Variants in ANKH observed in about 807,000 individuals in gnomAD.
ANKH encodes mineralization regulator ANKH.
ANKH carries 15 observed loss-of-function variants against 49.0 expected under a neutral mutation model. The ratio of observed to expected loss-of-function variants is 0.31; its 90% CI spans 0.20 to 0.47. The LOEUF is 0.47. Among genes scored for constraint, ANKH ranks in the 20% least tolerant of loss-of-function variants. The pLI, the probability that ANKH is intolerant of heterozygous loss-of-function variation, is 1.00. For synonymous variants in ANKH, 273 were observed against 260.0 expected (o/e 1.05, Z -0.48); for missense variants, 429 against 652.0 (o/e 0.66, Z 3.72).
At chr5:14,846,319 C>T (rs1248126540) in intron 1 of ANKH, among the ~76,000 whole-genome samples, 1 of 152,150 alleles carries the variant, frequency 6.6e-6, no homozygotes, top group Non-Finnish European at 1.5e-5. Context: ...CCACTGCTTT[C>T]CTTTAATTTT....
chr5:14,734,085 T>C (rs766925232), intron 8 of ANKH, among the ~76,000 whole-genome samples: 18 of 152,250 alleles, frequency 1.2e-4, no homozygotes, highest in Non-Finnish European at 1.9e-4. Flanking sequence ...TTGCTAGATA[T>C]GCGTTCTAAA....
At chr5:14,734,511 C>T (rs1738106687) in intron 8 of ANKH, among the ~76,000 whole-genome samples, 2 of 152,168 alleles carry the variant, frequency 1.3e-5, no homozygotes, top group Admixed American at 6.5e-5. Flanking sequence ...GCACTGAAAC[C>T]TTATAACACT....
At chr5:14,851,427 G>GC (rs1450490801) in intron 1 of ANKH, among the ~76,000 whole-genome samples, 8 of 152,334 alleles carry the variant, frequency 5.3e-5, no homozygotes, top group African/African-American at 1.9e-4. Flanking sequence ...CCTGGGGACA[G>GC]CCCCACTCTT....
At chr5:14,864,798 T>C (rs1215085976) in intron 1 of ANKH, among the ~76,000 whole-genome samples, 1 of 152,212 alleles carries the variant, frequency 6.6e-6, no homozygotes, top group Non-Finnish European at 1.5e-5. Flanking sequence ...TTTAAAATCA[T>C]ACTTAAATAC....
intron 1 of ANKH, among the ~76,000 whole-genome samples, chr5:14,845,700 G>A (rs1741939394): frequency 6.6e-6 from 1 of 152,130 alleles, no homozygotes. Context: ...CTTGGGCTCT[G>A]TGGGGTGCCT....
Position 14,713,695 on chromosome 5 carries a change from G to C in ANKH, c.1142-28C>G. ...GTTGGGAGGAGCAAAGGACTCGTCAGCCGTGCCCGCCATCCACTCCCCATC... is the reference window on the plus strand; with the variant it reads ...GTTGGGAGGAGCAAAGGACTCGTCACCCGTGCCCGCCATCCACTCCCCATC... On this transcript the variant is annotated intron_variant, in intron 9 of 11. Coordinates refer to ENST00000284268, the MANE Select transcript of ANKH (RefSeq NM_054027.6). This position sits in a 1 kb window ranked among gnomAD's most constrained non-coding sequence, Gnocchi z 4.4. The C allele has an allele frequency of 6.2e-7, 1 of 1,612,372 alleles. No homozygotes were observed. The highest frequency in any genetic ancestry group is 8.5e-7 in the Non-Finnish European group (1 of 1,179,854).
chr5:14,870,357 T>A (rs1258275241), intron 1 of ANKH: 1 of 152,194 alleles, frequency 6.6e-6, no homozygotes, highest in African/African-American at 2.4e-5. Context: ...TCCTGAAAGC[T>A]GTTTTACTTT....
chr5:14,730,224 C>T (rs1374849220), intron 8 of ANKH, among the ~76,000 whole-genome samples: 1 of 152,192 alleles, frequency 6.6e-6, no homozygotes, highest in Non-Finnish European at 1.5e-5. Context: ...AAGTTTCTCC[C>T]CAGAAGCTGG....
chr5:14,803,747 G>A (rs1740628545), intron 1 of ANKH, among the ~76,000 whole-genome samples: 1 of 152,106 alleles, frequency 6.6e-6, no homozygotes, highest in African/African-American at 2.4e-5. Context: ...GCTCTTTCCT[G>A]AGCTCCTCAC....
At chr5:14,856,370 C>T (rs1473847313) in intron 1 of ANKH, among the ~76,000 whole-genome samples, 1 of 152,156 alleles carries the variant, frequency 6.6e-6, no homozygotes. Flanking sequence ...CGTTTGCATC[C>T]AGTCTGTTTG....
At chr5:14,815,513 AATATGGATG>A (rs1422624844) in intron 1 of ANKH, among the ~76,000 whole-genome samples, 2 of 152,226 alleles carry the variant, frequency 1.3e-5, no homozygotes, top group Non-Finnish European at 2.9e-5. Context: ...TCATTCTAAA[AATATGGATG>A]ATGTGGAGGT....
At chr5:14,728,271 C>T (rs1411486126) in intron 8 of ANKH, among the ~76,000 whole-genome samples, 1 of 152,242 alleles carries the variant, frequency 6.6e-6, no homozygotes, top group Non-Finnish European at 1.5e-5. Flanking sequence ...TGACTTGCCC[C>T]AGGTCACCGG....
intron 2 of ANKH, among the ~76,000 whole-genome samples, chr5:14,765,734 A>G (rs1030175822): frequency 1.3e-5 from 2 of 152,216 alleles, no homozygotes; most frequent in Non-Finnish European, 2.9e-5. Context: ...TGACACTACA[A>G]AAGCTTTTAG....
At position 14,725,624 on chromosome 5, in the gene ANKH, C is replaced by T. The variant is rs554837249; in HGVS notation, c.1012-8789G>A. Among the ~76,000 whole-genome samples the T allele has an allele frequency of 4.3e-4, 66 of 152,316 alleles. No homozygotes were observed. The South Asian group carries it at 0.011, about 26-fold the overall frequency. On this transcript the variant is annotated intron_variant, in intron 8 of 11. Coordinates refer to ENST00000284268, the MANE Select transcript of ANKH (RefSeq NM_054027.6). The surrounding 1 kb of genome is among the most constrained non-coding windows in gnomAD (Gnocchi z 4.0). ...AGTATTCCAGAAGGTTTCCTGGGAC[C>T]GTATTCTAACAAAACGCTAGCAGGG...
At chr5:14,747,179 T>C (rs1032770900) in intron 6 of ANKH, among the ~76,000 whole-genome samples, 3 of 152,258 alleles carry the variant, frequency 2.0e-5, no homozygotes, top group African/African-American at 7.2e-5. Context: ...CCAGTCTGTA[T>C]GGGATTTCTG....
intron 8 of ANKH, among the ~76,000 whole-genome samples, chr5:14,735,380 A>G (rs1738142599): frequency 6.6e-6 from 1 of 152,236 alleles, no homozygotes; most frequent in South Asian, 2.1e-4. Flanking sequence ...ATGAAACTAA[A>G]AGGAGACAGA....
Position 14,803,039 on chromosome 5 carries a change from C to T in ANKH, c.97-33848G>A, listed in dbSNP as rs1018592857. 3.9e-5 allele frequency among the ~76,000 whole-genome samples: 6 copies of T among 152,266 alleles called. No homozygotes were observed. In the Middle Eastern group the frequency reaches 0.01, roughly 259 times the overall value. ...TCCTCTAGCTTGGCATCTTCCATACCGTGAATTGCTATCCACAGTGGGTCA... is the reference window on the plus strand; with the variant it reads ...TCCTCTAGCTTGGCATCTTCCATACTGTGAATTGCTATCCACAGTGGGTCA... On this transcript the variant is annotated intron_variant, in intron 1 of 11. Coordinates refer to ENST00000284268, the MANE Select transcript of ANKH (RefSeq NM_054027.6).
At chr5:14,720,239 A>G (rs1222909899) in intron 8 of ANKH, among the ~76,000 whole-genome samples, 2 of 152,188 alleles carry the variant, frequency 1.3e-5, no homozygotes, top group Non-Finnish European at 2.9e-5. Flanking sequence ...CAGAGGTACT[A>G]TCTCATTTAA....
intron 1 of ANKH, among the ~76,000 whole-genome samples, chr5:14,827,754 T>G (rs945652847): frequency 2.0e-5 from 3 of 151,978 alleles, no homozygotes; most frequent in Non-Finnish European, 4.4e-5. Context: ...TAAGACCTAT[T>G]TTTTTTGGGA....
Sources: gnomAD v4.1 joint callset for allele counts (sites outside exome capture counted in the v4.1 genomes callset) on GRCh38, gnomAD v4.1.1 for gene constraint, Gnocchi (gnomAD v3.1) non-coding constraint, MANE v1.5 for transcripts, NCBI Gene and HGNC (gene_info 2026-07-23, HGNC 2026-07-21) for gene names.